Variants in RMDN3 observed in about 807,000 individuals in gnomAD.
RMDN3 encodes regulator of microtubule dynamics protein 3.
A neutral mutation model predicts 61.8 loss-of-function variants in RMDN3; 41 were observed. The observed-to-expected ratio is 0.66, with a 90% CI of 0.52 to 0.86. The LOEUF (loss-of-function observed/expected upper bound fraction) is 0.86. RMDN3 is among the 40% of genes least tolerant of loss of function. The pLI is 0.00. For missense variants in RMDN3, 557 were observed against 585.3 expected (o/e 0.95, Z 0.50); for synonymous variants, 247 against 232.0 (o/e 1.06, Z -0.59).
At chr15:40,750,210 GTTTTTT>G (rs10586666) in intron 4 of RMDN3, among the ~76,000 whole-genome samples, 2 of 89,676 alleles carry the variant, frequency 2.2e-5, no homozygotes, top group African/African-American at 4.3e-5. Flanking sequence ...TGCCCAGCTC[GTTTTTT>G]TTTTTTTTTT....
At chr15:40,744,439 C>T (rs921660541) in intron 5 of RMDN3, 7 of 300,636 alleles carry the variant, frequency 2.3e-5, no homozygotes, top group African/African-American at 1.1e-4. Flanking sequence ...TCATAAGGCA[C>T]GAGAGGTCTT....
rs1897208978 is a variant in RMDN3 at position 40,739,821 on chromosome 15, C to G, written c.971+312G>C. ...GCAGGATAGGGGAGCTGCAGATTGTCCCAGCCTCCTGAGAGCCAAGAACTC... is the reference window on the plus strand; with the variant it reads ...GCAGGATAGGGGAGCTGCAGATTGTGCCAGCCTCCTGAGAGCCAAGAACTC... On this transcript the variant is annotated intron_variant, in intron 7 of 12. Transcript: ENST00000338376. The G allele has an allele frequency of 4.7e-5, 17 of 361,052 alleles. 3 individuals are homozygous for G. In the South Asian group the frequency reaches 6.3e-4, roughly 13 times the overall value. 22.4% of individuals were successfully genotyped at this position (361,052 alleles called of 1,614,324 possible).
At chr15:40,751,767 C>G (rs1369257812) in intron 3 of RMDN3, 198 bp from the exon 4 acceptor site, 4 of 857,064 alleles carry the variant, frequency 4.7e-6, no homozygotes, top group Non-Finnish European at 7.3e-6. Context: ...GTTAGGCAAA[C>G]AGAGCGCTTC....
chr15:40,749,947 C>A (rs1376298954), intron 4 of RMDN3, among the ~76,000 whole-genome samples: 1 of 152,158 alleles, frequency 6.6e-6, no homozygotes, highest in Non-Finnish European at 1.5e-5. Context: ...CTGGAGACCC[C>A]GGAGCACTCA....
Position 40,738,520 on chromosome 15 carries a change from T to G in RMDN3, c.1028A>C (p.Gln343Pro). The part of the protein sequence containing the change: ...AEHESIQRRI[Q>P]SGFSFKEHVD... ...CCTCACCTTGAAGCTAAAGCCACTC[T>G]GGATGCGCCTCTGGATGCTCTCATG... Residue 343 changes from glutamine to proline, a missense_variant, in exon 8 of 13, where the codon CAG (glutamine) becomes CCG (proline). Coordinates refer to ENST00000338376, the MANE Select transcript of RMDN3 (RefSeq NM_018145.3). The G allele has an allele frequency of 6.2e-7, 1 of 1,614,164 alleles. No homozygotes were observed. Among genetic ancestry groups the G allele is most frequent in the East Asian group, 2.2e-5 (1 of 44,884 alleles).
In RMDN3 at chr15:40,736,502, A is replaced by T; in HGVS notation, c.*39T>A. 6.3e-7 allele frequency: 1 copy of T among 1,592,640 alleles called. No homozygotes were observed. Among genetic ancestry groups the T allele is most frequent in the African/African-American group, 1.3e-5 (1 of 74,378 alleles). On this transcript the variant is annotated 3_prime_UTR_variant, in exon 13 of 13. Coordinates refer to ENST00000338376, the MANE Select transcript of RMDN3 (RefSeq NM_018145.3). ...AAAAGCCTCCCCGCCCCCCCACCTT[A>T]AATAGTGGCATCAAGTCATGAAGGC...
chr15:40,751,869 G>T, intron 3 of RMDN3, 117 bp downstream of exon 3: 1 of 1,148,954 alleles, frequency 8.7e-7, no homozygotes, highest in Non-Finnish European at 1.3e-6. Flanking sequence ...ACCCAGATTA[G>T]GCTAGAAGCT....
chr15:40,740,240 C>T, intron 6 of RMDN3, 47 bp from the exon 7 acceptor site: 3 of 1,262,178 alleles, frequency 2.4e-6, no homozygotes, highest in Non-Finnish European at 3.5e-6. Context: ...CTTATGCACA[C>T]TTTCATAGGA....
chr15:40,744,465 G>T (rs1355640802), intron 5 of RMDN3, among the ~76,000 whole-genome samples: 2 of 148,534 alleles, frequency 1.3e-5, no homozygotes, highest in Non-Finnish European at 3.0e-5. Flanking sequence ...GACACATGAA[G>T]AAAGTGTGAA....
At position 40,736,910 on chromosome 15, in the gene RMDN3, A is replaced by G. The variant is rs186898241; in HGVS notation, c.1359+214T>C. Among the ~76,000 whole-genome samples the G allele has an allele frequency of 2.2e-4, 33 of 152,240 alleles. No individual in the cohort carries two copies. In the East Asian group the frequency reaches 3.3e-3, roughly 15 times the overall value. ...CTCTTGTTGCCGAGGCTGGAGTGCA[A>G]TGGCACGATCTGAGCTCACTGCAAC... On this transcript the variant is annotated intron_variant, in intron 12 of 12. Transcript: ENST00000338376.
intron 5 of RMDN3, 46 bp from the exon 6 acceptor site, chr15:40,744,195 T>C: frequency 6.4e-7 from 1 of 1,570,972 alleles, no homozygotes; most frequent in Non-Finnish European, 8.7e-7. Flanking sequence ...TCCTCAACTG[T>C]GGAGAATGGG....
In RMDN3 at chr15:40,744,078, C is replaced by G. The variant is rs899696457; in HGVS notation, c.879G>C (p.Glu293Asp). The G allele has an allele frequency of 5.0e-6, 8 of 1,613,354 alleles. No individual in the cohort carries two copies. The Admixed American group carries it at 8.3e-5, about 17-fold the overall frequency. The change falls in exon 6 of 13, where the codon GAG (glutamate) becomes GAC (aspartate). Residue 293 changes from glutamate (E) to aspartate (D), a missense_variant. Transcript: ENST00000338376. ...AYSDMCELTEEVSEKKSYALD... is the reference protein window; with the variant it reads ...AYSDMCELTEDVSEKKSYALD... Reference sequence around the variant, plus strand: ...GGGCATATGACTTCTTCTCGCTCACCTCCTCAGTGAGCTCACACATGTCAC... The same window carrying G: ...GGGCATATGACTTCTTCTCGCTCACGTCCTCAGTGAGCTCACACATGTCAC...
At chr15:40,751,237 A>G (rs1337686018) in intron 4 of RMDN3, among the ~76,000 whole-genome samples, 189 bp downstream of exon 4, 3 of 152,266 alleles carry the variant, frequency 2.0e-5, no homozygotes, top group Non-Finnish European at 4.4e-5. Flanking sequence ...AATAACTGCT[A>G]TTAACATCTA....
intron 5 of RMDN3, 138 bp from the exon 6 acceptor site, chr15:40,744,287 CGCA>C (rs1897409539): frequency 1.4e-6 from 1 of 695,906 alleles, no homozygotes; most frequent in African/African-American, 1.8e-5. Context: ...AGCTCCTACA[CGCA>C]GCCTTCCCCC....
chr15:40,751,308 T>C (rs2141924796), intron 4 of RMDN3, 118 bp downstream of exon 4: 1 of 1,264,044 alleles, frequency 7.9e-7, no homozygotes, highest in East Asian at 2.3e-5. Flanking sequence ...GTATTTATTA[T>C]ACTCTTACCT....
chr15:40,751,317 C>T (rs1897810223), intron 4 of RMDN3, 109 bp downstream of exon 4: 2 of 1,368,118 alleles, frequency 1.5e-6, no homozygotes, highest in African/African-American at 1.4e-5. Flanking sequence ...ATACTCTTAC[C>T]TGTTCCAAAA....
chr15:40,753,506 C>T (rs566592115), intron 2 of RMDN3, among the ~76,000 whole-genome samples: 38 of 151,640 alleles, frequency 2.5e-4, no homozygotes, highest in South Asian at 6.2e-4. Flanking sequence ...GAGCGAGACT[C>T]CATCTCAAAA....
chr15:40,736,475 A>G lies in RMDN3; in HGVS notation c.*66T>C. The G allele has an allele frequency of 6.7e-7, 1 of 1,483,886 alleles. No individual in the cohort carries two copies. Among genetic ancestry groups the G allele is most frequent in the Admixed American group, 1.7e-5 (1 of 58,892 alleles). The allele number at this position is 1,483,886 out of a possible 1,614,324, so 91.9% of individuals were successfully genotyped here. A position where few individuals can be genotyped will look rare whatever the true frequency, so the allele number is the denominator to read the frequency against. On this transcript the variant is annotated 3_prime_UTR_variant, in exon 13 of 13. Coordinates refer to ENST00000338376, the MANE Select transcript of RMDN3 (RefSeq NM_018145.3). ...TTCCTGATCTCAGCAAGGTCTAAGG[A>G]AAAAAGCCTCCCCGCCCCCCCACCT... is the stretch of plus-strand genomic sequence containing the variant.
chr15:40,751,045 T>C (rs1384188310), intron 4 of RMDN3, among the ~76,000 whole-genome samples: 1 of 152,136 alleles, frequency 6.6e-6, no homozygotes, highest in Non-Finnish European at 1.5e-5. Flanking sequence ...GGCTCCCCTG[T>C]GGGAAGAGGG....
Sources: gnomAD v4.1 joint callset for allele counts (sites outside exome capture counted in the v4.1 genomes callset) on GRCh38, gnomAD v4.1.1 for gene constraint, MANE v1.5 for transcripts, NCBI Gene and HGNC (gene_info 2026-07-23, HGNC 2026-07-21) for gene names.